Variants in NFASC observed in about 807,000 individuals in gnomAD.
The protein encoded by NFASC is neurofascin homolog.
NFASC carries 43 observed loss-of-function variants against 147.5 expected under a neutral mutation model. That is an observed-to-expected ratio of 0.29 (90% CI 0.23 to 0.38). The LOEUF is 0.38. Ranked by LOEUF, NFASC falls within the 10% of genes least tolerant of loss-of-function variation. The pLI, the probability that NFASC is intolerant of heterozygous loss-of-function variation, is 1.00. For synonymous variants in NFASC, 622 were observed against 665.5 expected, an observed-to-expected ratio of 0.93 and a Z score of 1.01; for missense variants, 1,320 against 1,689.0, an observed-to-expected ratio of 0.78 and a Z score of 3.83.
At chr1:204,947,689 C>T (rs969899424) in intron 3 of NFASC, among the ~76,000 whole-genome samples, 2 of 147,248 alleles carry the variant, frequency 1.4e-5, no homozygotes, top group Admixed American at 7.0e-5. Context: ...AGCCAAGGGT[C>T]GCCTCATCAA....
chr1:204,896,774 G>A (rs1428800433), intron 1 of NFASC, among the ~76,000 whole-genome samples: 1 of 152,188 alleles, frequency 6.6e-6, no homozygotes, highest in Non-Finnish European at 1.5e-5. Context: ...ATTAATGGCA[G>A]CCGATGCCAT....
intron 21 of NFASC, among the ~76,000 whole-genome samples, chr1:204,985,076 C>T (rs2095588034): frequency 6.6e-6 from 1 of 152,224 alleles, no homozygotes; most frequent in Non-Finnish European, 1.5e-5. Flanking sequence ...CCTTAACCTA[C>T]TTGCTTAGAG....
At position 204,976,658 on chromosome 1, in the gene NFASC, G is replaced by A. The variant is rs780024598; in HGVS notation, c.1707-13G>A. Reference sequence around the variant, plus strand: ...TACCCCCTCCTCCCAACCCTTCCTCGGTACCTTTGCAGGATGAAGAAGGAA... The same window carrying A: ...TACCCCCTCCTCCCAACCCTTCCTCAGTACCTTTGCAGGATGAAGAAGGAA... On this transcript the variant is annotated splice_polypyrimidine_tract_variant and intron_variant, in intron 15 of 29. Coordinates refer to ENST00000339876, the MANE Select transcript of NFASC (RefSeq NM_001005388.3). 1.2e-6 allele frequency: 2 copies of A among 1,602,418 alleles called. No homozygotes were observed. The highest frequency in any genetic ancestry group is 1.7e-6 in the Non-Finnish European group (2 of 1,170,668).
chr1:204,887,007 T>G (rs1482229263), intron 1 of NFASC, among the ~76,000 whole-genome samples: 1 of 152,196 alleles, frequency 6.6e-6, no homozygotes, highest in Non-Finnish European at 1.5e-5. Context: ...TAATATAAAA[T>G]GTACCATTTT....
chr1:204,962,097 G>A (rs2094704056), intron 8 of NFASC: 4 of 1,610,400 alleles, frequency 2.5e-6, no homozygotes, highest in Non-Finnish European at 3.4e-6. Flanking sequence ...ACCCTCTTTT[G>A]TTTGTTACAG....
At chr1:204,941,638 T>C (rs2093368896) in intron 2 of NFASC, among the ~76,000 whole-genome samples, 1 of 152,176 alleles carries the variant, frequency 6.6e-6, no homozygotes, top group South Asian at 2.1e-4. Flanking sequence ...AGTCTGGTCT[T>C]TGGAGATGTA....
intron 15 of NFASC, 49 bp from the exon 16 acceptor site, chr1:204,976,622 C>A: frequency 7.0e-7 from 1 of 1,432,062 alleles, no homozygotes; most frequent in Non-Finnish European, 9.8e-7. Flanking sequence ...GGGCAGGACT[C>A]AGCACTCCCC....
intron 8 of NFASC, among the ~76,000 whole-genome samples, chr1:204,965,900 G>A (rs1331612418): frequency 6.6e-6 from 1 of 152,210 alleles, no homozygotes; most frequent in Non-Finnish European, 1.5e-5. Context: ...CCTTGGGCAA[G>A]TCTGTTGACT....
intron 27 of NFASC, 91 bp from the exon 28 acceptor site, chr1:205,009,466 A>G (rs2151010464): frequency 7.2e-7 from 1 of 1,381,892 alleles, no homozygotes; most frequent in Non-Finnish European, 1.0e-6. Context: ...AAACATCCAC[A>G]TGAGATAGCT....
chr1:204,832,211 G>C (rs1393702007), intron 1 of NFASC, among the ~76,000 whole-genome samples: 2 of 152,188 alleles, frequency 1.3e-5, no homozygotes, highest in African/African-American at 4.8e-5. Context: ...TACCCAAAGG[G>C]AGCTCTGTGA....
intron 1 of NFASC, among the ~76,000 whole-genome samples, chr1:204,850,882 T>C (rs1359104936): frequency 6.6e-6 from 1 of 152,220 alleles, no homozygotes; most frequent in Non-Finnish European, 1.5e-5. Context: ...TCTTAGTCTA[T>C]TGTTTATTTT....
chr1:204,843,666 C>CCCTCCCTCCCTTCCTT (rs1558486417), intron 1 of NFASC, among the ~76,000 whole-genome samples: 5 of 86,742 alleles, frequency 5.8e-5, no homozygotes, highest in African/African-American at 4.7e-5. Flanking sequence ...CTTCCTTCCT[C>CCCTCCCTCCCTTCCTT]CCTCCCTTCC....
chr1:204,878,018 G>A (rs1431065593), intron 1 of NFASC, among the ~76,000 whole-genome samples: 1 of 152,214 alleles, frequency 6.6e-6, no homozygotes, highest in Non-Finnish European at 1.5e-5. Context: ...CCTTTCCCCA[G>A]AAGCTTTCTT....
chr1:204,846,977 G>T (rs1409052144), intron 1 of NFASC, among the ~76,000 whole-genome samples: 1 of 151,984 alleles, frequency 6.6e-6, no homozygotes, highest in Admixed American at 6.6e-5. Flanking sequence ...GTGTGTGTGT[G>T]TGGTGTGTAG....
In NFASC at chr1:204,973,166, G is replaced by C. The variant is rs535183213; in HGVS notation, c.1136-110G>C. ...GCCCTGTCATCTGGCCCCCCATCTG[G>C]TGCTCCCCACAGCACCCCGCTTGTT... is the stretch of plus-strand genomic sequence containing the variant. On this transcript the variant is annotated intron_variant, in intron 11 of 29. Transcript: ENST00000339876. 131 of 1,171,818 alleles carry C rather than the reference G, an allele frequency of 1.1e-4. 1 individual carries two copies. Among genetic ancestry groups the C allele is most frequent in the Non-Finnish European group, 1.3e-4 (105 of 811,172 alleles). The allele number at this position is 1,171,818 out of a possible 1,614,324, so 72.6% of individuals were successfully genotyped here. A position where few individuals can be genotyped will look rare whatever the true frequency, so the allele number is the denominator to read the frequency against.
At chr1:204,925,086 G>A (rs1161568403) in intron 2 of NFASC, among the ~76,000 whole-genome samples, 1 of 152,176 alleles carries the variant, frequency 6.6e-6, no homozygotes, top group Non-Finnish European at 1.5e-5. Flanking sequence ...TGTTGGCCAG[G>A]CTGGTCTTGA....
intron 1 of NFASC, among the ~76,000 whole-genome samples, chr1:204,900,804 G>C (rs998199628): frequency 1.3e-5 from 2 of 152,170 alleles, no homozygotes; most frequent in African/African-American, 2.4e-5. Context: ...GCTTAGACTA[G>C]GAGAGTAGTA....
intron 1 of NFASC, among the ~76,000 whole-genome samples, chr1:204,898,664 G>A (rs1256191083): frequency 1.3e-5 from 2 of 152,150 alleles, no homozygotes; most frequent in African/African-American, 4.8e-5. Flanking sequence ...AAAGGCAGGC[G>A]GGGAGACGGG....
intron 1 of NFASC, among the ~76,000 whole-genome samples, chr1:204,876,865 C>T (rs2078893707): frequency 6.6e-6 from 1 of 150,824 alleles, no homozygotes; most frequent in South Asian, 2.1e-4. Context: ...GAGAGGAGAG[C>T]TTTGTTTTTT....
Sources: gnomAD v4.1 joint callset for allele counts (sites outside exome capture counted in the v4.1 genomes callset) on GRCh38, gnomAD v4.1.1 for gene constraint, MANE v1.5 for transcripts, NCBI Gene and HGNC (gene_info 2026-07-23, HGNC 2026-07-21) for gene names.